Variants in MAP2K5 observed in about 807,000 individuals in gnomAD.
MAP2K5 encodes dual specificity mitogen-activated protein kinase kinase 5.
Under a neutral mutation model 83.1 loss-of-function variants are expected in MAP2K5, and 49 were observed. The ratio of observed to expected loss-of-function variants is 0.59; its 90% CI spans 0.47 to 0.75. The LOEUF (loss-of-function observed/expected upper bound fraction) is 0.75, where lower values mean the gene tolerates loss of function less well. Among genes scored for constraint, MAP2K5 ranks in the 30% least tolerant of loss-of-function variants. The pLI, the probability that MAP2K5 is intolerant of heterozygous loss-of-function variation, is 0.00. For missense variants in MAP2K5, 457 were observed against 557.5 expected (o/e 0.82, Z 1.82); for synonymous variants, 202 against 191.8 (o/e 1.05, Z -0.44).
chr15:67,751,473 G>A (rs1316763931), intron 19 of MAP2K5, among the ~76,000 whole-genome samples: 6 of 152,136 alleles, frequency 3.9e-5, no homozygotes, highest in Admixed American at 6.5e-5. Flanking sequence ...GAATACCTGC[G>A]TTGTAAAGTG....
rs1435514625 is a variant in MAP2K5 at position 67,546,555 on chromosome 15, T to C, written c.135+3085T>C. The C allele has an allele frequency of 3.0e-6, 3 of 984,564 alleles. No homozygotes were observed. The African/African-American group carries it at 5.2e-5, about 17-fold the overall frequency. 61.0% of individuals were successfully genotyped at this position (984,564 alleles called of 1,614,324 possible). On this transcript the variant is annotated intron_variant, in intron 1 of 21. Transcript: ENST00000178640. ...TTTGTCTGAATCATCAGGGACTGGCTGAACTATGGAGGCTGACCTGACCCT... is the reference window on the plus strand; with the variant it reads ...TTTGTCTGAATCATCAGGGACTGGCCGAACTATGGAGGCTGACCTGACCCT...
At chr15:67,642,626 G>A in intron 9 of MAP2K5, 3 of 685,276 alleles carry the variant, frequency 4.4e-6, no homozygotes, top group Non-Finnish European at 8.1e-6. Context: ...AGCAAAGGCT[G>A]TAAGTAGGGA....
At chr15:67,600,104 G>C (rs75307597) in intron 7 of MAP2K5, among the ~76,000 whole-genome samples, 1 of 151,852 alleles carries the variant, frequency 6.6e-6, no homozygotes, top group African/African-American at 2.4e-5. Context: ...CATTGATTTC[G>C]TGCTTTTCCA....
chr15:67,554,001 G>A (rs2084570896), intron 2 of MAP2K5, among the ~76,000 whole-genome samples: 1 of 151,756 alleles, frequency 6.6e-6, no homozygotes, highest in Admixed American at 6.6e-5. Flanking sequence ...GTGGCTTATG[G>A]GTATAATGGA....
At chr15:67,610,398 G>T (rs556023275) in intron 8 of MAP2K5, among the ~76,000 whole-genome samples, 26 of 152,024 alleles carry the variant, frequency 1.7e-4, no homozygotes, top group Non-Finnish European at 3.7e-4. Flanking sequence ...AGCAGGGGTG[G>T]TCTATTTCTT....
chr15:67,754,174 A>C (rs2089781521), intron 19 of MAP2K5, among the ~76,000 whole-genome samples: 1 of 152,222 alleles, frequency 6.6e-6, no homozygotes, highest in Non-Finnish European at 1.5e-5. Context: ...TCACAGGTAC[A>C]AGGTTTCTTT....
At chr15:67,669,131 A>G (rs760796993) in intron 13 of MAP2K5, among the ~76,000 whole-genome samples, 1 of 152,162 alleles carries the variant, frequency 6.6e-6, no homozygotes, top group Non-Finnish European at 1.5e-5. Context: ...GCAACTATTT[A>G]TTTTATACCT....
intron 21 of MAP2K5, among the ~76,000 whole-genome samples, chr15:67,796,017 T>A (rs62015225): frequency 0.089 from 13,606 of 152,290 alleles, 730 homozygotes; most frequent in Admixed American, 0.1. Context: ...GATATTAATA[T>A]AGCTATGCCA....
In MAP2K5 at chr15:67,543,075, C is replaced by G; in HGVS notation, c.-261C>G. The G allele has an allele frequency of 1.9e-6, 1 of 532,470 alleles. No homozygotes were observed. Among genetic ancestry groups the G allele is most frequent in the South Asian group, 2.2e-5 (1 of 45,018 alleles). The allele number at this position is 532,470 out of a possible 1,614,324, so 33.0% of individuals were successfully genotyped here. A position where few individuals can be genotyped will look rare whatever the true frequency, so the allele number is the denominator to read the frequency against. On this transcript the variant is annotated 5_prime_UTR_variant, in exon 1 of 22. Transcript: ENST00000178640. The surrounding 1 kb of genome is among the most constrained non-coding windows in gnomAD (Gnocchi z 4.3). The stretch of plus-strand genomic sequence containing the variant: ...CAACTCCAGAACCTTCCGACCTCCG[C>G]TAGTTCCTGCGGGCCTTTGCCCGCT...
rs567890740 is a variant in MAP2K5 at position 67,770,224 on chromosome 15, C to A, written c.1196+561C>A. Among the ~76,000 whole-genome samples, 4 of 152,316 alleles carry A rather than the reference C, an allele frequency of 2.6e-5. No individual in the cohort carries two copies. In the South Asian group the frequency reaches 8.3e-4, roughly 32 times the overall value. On this transcript the variant is annotated intron_variant, in intron 20 of 21. Transcript: ENST00000178640. This position sits in a 1 kb window ranked among gnomAD's most constrained non-coding sequence, Gnocchi z 5.0. ...AAAGAACTGAGAGGAGCCACAGGGG[C>A]CCTCAGAGCCTCTAGGCAATTCCTT...
At chr15:67,743,191 C>T (rs149811809) in intron 17 of MAP2K5, among the ~76,000 whole-genome samples, 2 of 152,224 alleles carry the variant, frequency 1.3e-5, no homozygotes, top group Admixed American at 1.3e-4. Flanking sequence ...AGCACCCCAG[C>T]TGGAGTCTGA....
At chr15:67,788,783 G>A (rs2090462394) in intron 21 of MAP2K5, among the ~76,000 whole-genome samples, 2 of 152,002 alleles carry the variant, frequency 1.3e-5, no homozygotes, top group Admixed American at 1.3e-4. Flanking sequence ...AGACCCGCCT[G>A]GGCAACATAG....
chr15:67,765,319 A>T (rs2090020842), intron 19 of MAP2K5, among the ~76,000 whole-genome samples: 1 of 152,240 alleles, frequency 6.6e-6, no homozygotes, highest in Non-Finnish European at 1.5e-5. Context: ...AGATCGTGCC[A>T]CTGCACTCCA....
At chr15:67,612,415 C>T (rs554381870) in intron 8 of MAP2K5, among the ~76,000 whole-genome samples, 1 of 152,212 alleles carries the variant, frequency 6.6e-6, no homozygotes, top group Middle Eastern at 3.4e-3. Flanking sequence ...TCATAAAGAA[C>T]ATTGGTGGAA....
intron 2 of MAP2K5, among the ~76,000 whole-genome samples, chr15:67,558,701 G>A (rs2084676700): frequency 6.6e-6 from 1 of 152,084 alleles, no homozygotes; most frequent in Non-Finnish European, 1.5e-5. Flanking sequence ...CTTCCTTTCG[G>A]TCTGTCAAAC....
At position 67,620,286 on chromosome 15, in the gene MAP2K5, G is replaced by A. The variant is rs191439677; in HGVS notation, c.546-10602G>A. 6.5e-4 allele frequency among the ~76,000 whole-genome samples: 99 copies of A among 152,232 alleles called. 3 individuals are homozygous for A. The highest frequency in any genetic ancestry group is 5.8e-3 in the Admixed American group (88 of 15,284). ...TTCGGGAGGCTGAGGCAGGAGAATC[G>A]CTTGAACCTGGGAGGCAGAGGTTTC... On this transcript the variant is annotated intron_variant, in intron 8 of 21. Coordinates refer to ENST00000178640, the MANE Select transcript of MAP2K5 (RefSeq NM_145160.3).
In MAP2K5 at chr15:67,806,901, C is replaced by T; in HGVS notation, c.*151C>T. 6.3e-7 allele frequency: 1 copy of T among 1,592,352 alleles called. No individual in the cohort carries two copies. The highest frequency in any genetic ancestry group is 1.7e-5 in the Admixed American group (1 of 59,644). On this transcript the variant is annotated 3_prime_UTR_variant, in exon 22 of 22. Transcript: ENST00000178640. ...TCACCTCTGTCAGCAGGTGGCCTTGCCTGGGGAGCCCCATGTGTGGCCCAC... is the reference window on the plus strand; with the variant it reads ...TCACCTCTGTCAGCAGGTGGCCTTGTCTGGGGAGCCCCATGTGTGGCCCAC...
intron 11 of MAP2K5, among the ~76,000 whole-genome samples, chr15:67,655,641 T>C (rs997348962): frequency 1.3e-5 from 2 of 152,228 alleles, no homozygotes; most frequent in South Asian, 4.1e-4. Flanking sequence ...TTCAAGATTT[T>C]CTTTTTGTCT....
intron 3 of MAP2K5, among the ~76,000 whole-genome samples, chr15:67,576,943 T>A (rs1207630269): frequency 7.0e-6 from 1 of 142,506 alleles, no homozygotes; most frequent in Non-Finnish European, 1.6e-5. Context: ...TTTTTTTTTT[T>A]TTTGAGACGG....
Sources: allele counts gnomAD v4.1 joint callset (sites outside exome capture counted in the v4.1 genomes callset), GRCh38; gene constraint gnomAD v4.1.1; non-coding constraint Gnocchi (gnomAD v3.1); transcripts MANE v1.5; gene names NCBI Gene and HGNC (gene_info 2026-07-23, HGNC 2026-07-21).